The following LAMA2 variants were observed in gnomAD, a reference collection of about 807,000 sequenced individuals.
The protein encoded by LAMA2 is laminin subunit alpha 2.
A neutral mutation model predicts 364.8 loss-of-function variants in LAMA2; 269 were observed. The observed-to-expected ratio is 0.74, with a 90% CI of 0.67 to 0.82. The LOEUF (loss-of-function observed/expected upper bound fraction) is 0.82, where lower values mean the gene tolerates loss of function less well. Among genes scored for constraint, LAMA2 ranks in the 40% least tolerant of loss-of-function variants. LAMA2 has a pLI of 0.00. For missense variants in LAMA2, 3,807 were observed against 3,873.2 expected (o/e 0.98, Z 0.45); for synonymous variants, 1,379 against 1,370.6 (o/e 1.01, Z -0.14).
chr6:129,450,750 A>C (rs1461094381), intron 45 of LAMA2, among the ~76,000 whole-genome samples: 1 of 152,252 alleles, frequency 6.6e-6, no homozygotes, highest in African/African-American at 2.4e-5. Context: ...TTTGACTACT[A>C]ATTCAGCCCC....
chr6:129,448,209 G>A (rs1439449793), intron 45 of LAMA2, among the ~76,000 whole-genome samples: 1 of 152,048 alleles, frequency 6.6e-6, no homozygotes, highest in Non-Finnish European at 1.5e-5. Context: ...CACTTGCTCT[G>A]GAGGATGAGG....
chr6:129,009,088 G>C (rs974788096), intron 1 of LAMA2, among the ~76,000 whole-genome samples: 1 of 152,120 alleles, frequency 6.6e-6, no homozygotes, highest in Non-Finnish European at 1.5e-5. Flanking sequence ...TTGAGATAGG[G>C]ATCATGCCAT....
intron 17 of LAMA2, among the ~76,000 whole-genome samples, chr6:129,272,553 A>C (rs1171116121): frequency 6.6e-6 from 1 of 152,152 alleles, no homozygotes; most frequent in African/African-American, 2.4e-5. Flanking sequence ...TACAATGAAG[A>C]CTTCTTTAAA....
chr6:129,236,790 G>A (rs1437292205), intron 12 of LAMA2, among the ~76,000 whole-genome samples: 2 of 151,720 alleles, frequency 1.3e-5, no homozygotes, highest in African/African-American at 2.4e-5. Context: ...TTATACAAGT[G>A]GAAACATACT....
At chr6:129,210,601 C>T (rs909125877) in intron 12 of LAMA2, among the ~76,000 whole-genome samples, 3 of 152,166 alleles carry the variant, frequency 2.0e-5, no homozygotes, top group Non-Finnish European at 4.4e-5. Context: ...GAGTTTCTAG[C>T]TCTTTCTGAA....
intron 41 of LAMA2, chr6:129,436,830 AT>A (rs1781857432): frequency 6.6e-6 from 1 of 152,084 alleles, no homozygotes; most frequent in Non-Finnish European, 1.5e-5. Flanking sequence ...ATGTATGTTT[AT>A]TTTATTGTGA....
At chr6:128,885,089 A>C (rs1305559529) in intron 1 of LAMA2, among the ~76,000 whole-genome samples, 1 of 152,220 alleles carries the variant, frequency 6.6e-6, no homozygotes. Flanking sequence ...ATACCACTTA[A>C]ATGCTACATA....
intron 1 of LAMA2, chr6:128,929,155 T>A (rs1562840825): frequency 7.0e-7 from 1 of 1,436,844 alleles, no homozygotes. Context: ...CAGGATCCAA[T>A]GGCCGGTAGA....
chr6:129,102,638 G>A (rs1371591207), intron 4 of LAMA2, among the ~76,000 whole-genome samples: 1 of 151,688 alleles, frequency 6.6e-6, no homozygotes, highest in Non-Finnish European at 1.5e-5. Context: ...TTTATTTTCT[G>A]TTTCATCTGC....
At chr6:129,446,367 A>G (rs1299126289) in intron 45 of LAMA2, among the ~76,000 whole-genome samples, 2 of 150,892 alleles carry the variant, frequency 1.3e-5, no homozygotes, top group Admixed American at 1.3e-4. Context: ...GATTTGTCTC[A>G]AAATTTTGCT....
intron 23 of LAMA2, 142 bp downstream of exon 23, chr6:129,313,239 A>G: frequency 3.3e-6 from 2 of 609,580 alleles, no homozygotes; most frequent in Non-Finnish European, 5.8e-6. Flanking sequence ...CCAGACATGG[A>G]GTTTTCATTG....
chr6:129,366,168 G>C, intron 32 of LAMA2, 51 bp from the exon 33 acceptor site: 4 of 1,595,684 alleles, frequency 2.5e-6, no homozygotes, highest in South Asian at 1.1e-5. Flanking sequence ...TTGAACATCT[G>C]CCTGGGATGT....
At position 129,309,902 on chromosome 6, in the gene LAMA2, AT is replaced by A. The variant is rs993652081; in HGVS notation, c.3175-2944del. ...AGAAATAAAGCTAATCCTGATAATC[AT>A]TTTTTTTTTTTTTTGAGACGGAGTC... On this transcript the variant is annotated intron_variant, in intron 22 of 64. Transcript: ENST00000421865. Among the ~76,000 whole-genome samples, 328 of 135,584 alleles carry A rather than the reference AT, an allele frequency of 2.4e-3. 2 individuals are homozygous for A. The highest frequency in any genetic ancestry group is 0.011 in the Middle Eastern group (3 of 264). The allele number at this position is 135,584 out of a possible 152,430, so 88.9% of individuals were successfully genotyped here.
intron 51 of LAMA2, 102 bp downstream of exon 51, chr6:129,465,391 T>A (rs1332300888): frequency 6.8e-6 from 7 of 1,034,900 alleles, no homozygotes; most frequent in African/African-American, 1.6e-5. Context: ...TTTTAGCTAC[T>A]CACGAGTTCA....
chr6:128,885,216 G>A (rs1267646864), intron 1 of LAMA2, among the ~76,000 whole-genome samples: 1 of 152,132 alleles, frequency 6.6e-6, no homozygotes, highest in Non-Finnish European at 1.5e-5. Context: ...ATATCTGGAG[G>A]TTGGCTCAAG....
Position 129,252,247 on chromosome 6 carries a change from G to A in LAMA2, c.2048G>A (p.Arg683Lys). Reference sequence around the variant, plus strand: ...ATGACAGTGCTTGCGAATTTGAAGAGAGTCCTCCTACAAATCACATACAGC... The same window carrying A: ...ATGACAGTGCTTGCGAATTTGAAGAAAGTCCTCCTACAAATCACATACAGC... ...EFMTVLANLK[R>K]VLLQITYSFG... Residue 683 changes from arginine (R) to lysine (K), a missense_variant, in exon 14 of 65, where the codon AGA (arginine) becomes AAA (lysine). This residue lies in a region of LAMA2 where 3,333 missense variants were observed against 3,345.7 expected (regional missense o/e 1.00). Coordinates refer to ENST00000421865, the MANE Select transcript of LAMA2 (RefSeq NM_000426.4). 6.2e-7 allele frequency: 1 copy of A among 1,614,050 alleles called. No homozygotes were observed. Among genetic ancestry groups the A allele is most frequent in the Non-Finnish European group, 8.5e-7 (1 of 1,179,954 alleles).
intron 38 of LAMA2, among the ~76,000 whole-genome samples, chr6:129,401,755 T>G (rs541257989): frequency 1.3e-5 from 2 of 152,314 alleles, no homozygotes; most frequent in African/African-American, 4.8e-5. Flanking sequence ...GCCTAAGAGA[T>G]CCTAATGACA....
chr6:129,060,688 G>T (rs1788844653), intron 3 of LAMA2, among the ~76,000 whole-genome samples: 1 of 152,170 alleles, frequency 6.6e-6, no homozygotes, highest in Non-Finnish European at 1.5e-5. Flanking sequence ...TTATCACTGT[G>T]TGGGGAAGCC....
At chr6:129,130,644 G>A (rs1777413855) in intron 4 of LAMA2, among the ~76,000 whole-genome samples, 1 of 152,180 alleles carries the variant, frequency 6.6e-6, no homozygotes. Flanking sequence ...TGGGAGAACT[G>A]CATTCTGGGC....
Sources: allele counts gnomAD v4.1 joint callset (sites outside exome capture counted in the v4.1 genomes callset), GRCh38; gene constraint gnomAD v4.1.1; regional missense constraint gnomAD v4.1.1; transcripts MANE v1.5; gene names NCBI Gene and HGNC (gene_info 2026-07-23, HGNC 2026-07-21).